NXPE2: variants seen among roughly 807,000 people sequenced by gnomAD.
NXPE2 encodes the protein NXPE family member 2.
NXPE2 carries 34 observed loss-of-function variants against 34.4 expected under a neutral mutation model. That is an observed-to-expected ratio of 0.99 (90% CI 0.75 to 1.31). The LOEUF (loss-of-function observed/expected upper bound fraction) is 1.31, where lower values mean the gene tolerates loss of function less well. Ranked by LOEUF, NXPE2 falls within the 40% of genes most tolerant of loss-of-function variation. The pLI, the probability that NXPE2 is intolerant of heterozygous loss-of-function variation, is 0.00. For missense variants in NXPE2, 649 were observed against 672.5 expected, an observed-to-expected ratio of 0.97 and a Z score of 0.39; for synonymous variants, 235 against 231.3, an observed-to-expected ratio of 1.02 and a Z score of -0.15.
intron 2 of NXPE2, among the ~76,000 whole-genome samples, chr11:114,686,880 C>A (rs1480049865): frequency 6.6e-6 from 1 of 151,982 alleles, no homozygotes; most frequent in Non-Finnish European, 1.5e-5. Context: ...TGATGTTGAG[C>A]ATTTCTTATG....
the NXPE2 span, among the ~76,000 whole-genome samples, chr11:114,776,498 G>C: frequency 6.6e-6 from 1 of 152,254 alleles, no homozygotes; most frequent in African/African-American, 2.4e-5. Flanking sequence ...GGGCAGCGGA[G>C]ATACTGTCAA....
chr11:114,641,981 T>C, the NXPE2 span, among the ~76,000 whole-genome samples: 27 of 152,130 alleles, frequency 1.8e-4, no homozygotes, highest in African/African-American at 5.5e-4. Flanking sequence ...AACAACACAA[T>C]TGATGAGAAG....
the NXPE2 span, among the ~76,000 whole-genome samples, chr11:114,732,312 T>C: frequency 2.0e-5 from 3 of 152,238 alleles, no homozygotes; most frequent in African/African-American, 7.2e-5. Flanking sequence ...TTTGTTAAAA[T>C]GTAATTGTAT....
the NXPE2 span, among the ~76,000 whole-genome samples, chr11:114,712,518 T>C: frequency 6.6e-6 from 1 of 152,168 alleles, no homozygotes. Context: ...TAAAAAGATG[T>C]TCAATATCAC....
At chr11:114,642,679 T>C in the NXPE2 span, among the ~76,000 whole-genome samples, 1 of 152,066 alleles carries the variant, frequency 6.6e-6, no homozygotes, top group Non-Finnish European at 1.5e-5. Flanking sequence ...GACATTTGGG[T>C]TGGTTCCAAG....
At chr11:114,607,307 G>A in the NXPE2 span, among the ~76,000 whole-genome samples, 2 of 151,144 alleles carry the variant, frequency 1.3e-5, no homozygotes, top group African/African-American at 2.4e-5. Flanking sequence ...GTATTGCCTC[G>A]TGGGTCACCA....
chr11:114,508,508 G>A, the NXPE2 span, among the ~76,000 whole-genome samples: 6 of 152,218 alleles, frequency 3.9e-5, no homozygotes, highest in Non-Finnish European at 7.3e-5. Context: ...CAGGGCTACA[G>A]TAACCAAAAC....
At chr11:114,581,737 A>T in the NXPE2 span, 1 of 1,611,942 alleles carries the variant, frequency 6.2e-7, no homozygotes, top group Non-Finnish European at 8.5e-7. Flanking sequence ...TTGCATTTGG[A>T]GACACTAATT....
chr11:114,561,249 A>G, the NXPE2 span, among the ~76,000 whole-genome samples: 1 of 152,234 alleles, frequency 6.6e-6, no homozygotes, highest in African/African-American at 2.4e-5. Context: ...TAGTTTAAGC[A>G]CTAAATAATT....
chr11:114,520,726 T>C, the NXPE2 span, among the ~76,000 whole-genome samples: 1 of 152,004 alleles, frequency 6.6e-6, no homozygotes, highest in Admixed American at 6.6e-5. Flanking sequence ...CCACCAAGAG[T>C]GTATGAGAGT....
the NXPE2 span, among the ~76,000 whole-genome samples, chr11:114,769,023 A>G: frequency 6.6e-6 from 1 of 152,166 alleles, no homozygotes; most frequent in Non-Finnish European, 1.5e-5. Flanking sequence ...TGAACAGGCA[A>G]CCTACAGAAC....
the NXPE2 span, chr11:114,527,991 T>C: frequency 2.3e-6 from 2 of 861,872 alleles, no homozygotes; most frequent in Non-Finnish European, 3.6e-6. Context: ...GGAAAATTTT[T>C]AGTTTTCTAT....
At chr11:114,780,564 G>A in the NXPE2 span, among the ~76,000 whole-genome samples, 1 of 152,322 alleles carries the variant, frequency 6.6e-6, no homozygotes, top group African/African-American at 2.4e-5. Flanking sequence ...TAAACAAGGT[G>A]GCAGGATGAA....
At chr11:114,521,783 A>T in the NXPE2 span, 2 of 547,858 alleles carry the variant, frequency 3.7e-6, no homozygotes, top group Non-Finnish European at 6.4e-6. Flanking sequence ...GTCATTCTTC[A>T]TGAATGATTC....
At chr11:114,625,249 C>T in the NXPE2 span, among the ~76,000 whole-genome samples, 1,479 of 152,236 alleles carry the variant, frequency 9.7e-3, 28 homozygotes, top group African/African-American at 0.033. Flanking sequence ...TCGTGGGTTA[C>T]CACTGTTTCC....
At chr11:114,573,428 G>C in the NXPE2 span, among the ~76,000 whole-genome samples, 1 of 151,786 alleles carries the variant, frequency 6.6e-6, no homozygotes, top group Non-Finnish European at 1.5e-5. Context: ...GAATGGGTAA[G>C]AATTCACCAG....
the NXPE2 span, among the ~76,000 whole-genome samples, chr11:114,536,313 G>A: frequency 6.6e-6 from 1 of 152,152 alleles, no homozygotes; most frequent in African/African-American, 2.4e-5. Flanking sequence ...AGCACTAAAT[G>A]CCCACAAGAG....
the NXPE2 span, among the ~76,000 whole-genome samples, chr11:114,626,895 G>A: frequency 9.1e-3 from 1,388 of 152,074 alleles, 20 homozygotes; most frequent in African/African-American, 0.032. Context: ...GAGCTGATGC[G>A]ATCAACTGGA....
the NXPE2 span, among the ~76,000 whole-genome samples, chr11:114,567,344 C>T: frequency 6.6e-6 from 1 of 151,954 alleles, no homozygotes; most frequent in Non-Finnish European, 1.5e-5. Context: ...TTCATGATTG[C>T]CTGAACCCTG....
Sources: gnomAD v4.1 joint callset for allele counts (sites outside exome capture counted in the v4.1 genomes callset) on GRCh38, gnomAD v4.1.1 for gene constraint, MANE v1.5 for transcripts, NCBI Gene and HGNC (gene_info 2026-07-23, HGNC 2026-07-21) for gene names.